The following PXDNL variants were observed in gnomAD, a reference collection of about 807,000 sequenced individuals.
PXDNL encodes the protein probable oxidoreductase PXDNL.
A neutral mutation model predicts 150.8 loss-of-function variants in PXDNL; 145 were observed. That is an observed-to-expected ratio of 0.96 (90% CI 0.84 to 1.10). The LOEUF (loss-of-function observed/expected upper bound fraction) is 1.10, where lower values mean the gene tolerates loss of function less well. Among genes scored for constraint, PXDNL ranks in the 50% least tolerant of loss-of-function variants. PXDNL has a pLI of 0.00. For missense variants in PXDNL, 2,087 were observed against 1,873.9 expected (o/e 1.11, Z -2.10); for synonymous variants, 757 against 725.7 (o/e 1.04, Z -0.69).
chr8:51,705,807 C>CTGTGTG (rs71550283), intron 1 of PXDNL, among the ~76,000 whole-genome samples: 2,536 of 143,312 alleles, frequency 0.018, 70 homozygotes, highest in African/African-American at 0.059. Flanking sequence ...GGTGAAAACA[C>CTGTGTG]TGTGTGTGTG....
At chr8:51,628,279 G>A (rs1378764911) in intron 2 of PXDNL, among the ~76,000 whole-genome samples, 1 of 151,852 alleles carries the variant, frequency 6.6e-6, no homozygotes, top group Non-Finnish European at 1.5e-5. Context: ...AGCACTGAAG[G>A]AGTCCCCAGG....
At chr8:51,413,279 A>G in intron 14 of PXDNL, 21 bp from the exon 15 acceptor site, 1 of 1,449,410 alleles carries the variant, frequency 6.9e-7, no homozygotes. Context: ...CAATTCCATG[A>G]TTAAAAATAT....
chr8:51,378,623 C>G (rs1165823395), intron 17 of PXDNL, among the ~76,000 whole-genome samples: 11 of 152,336 alleles, frequency 7.2e-5, no homozygotes, highest in Middle Eastern at 3.4e-3. Context: ...CTTGCTGCTG[C>G]TCACTCTTTG....
In PXDNL at chr8:51,472,199, C is replaced by G; in HGVS notation, c.800G>C (p.Trp267Ser). 6.2e-7 allele frequency: 1 copy of G among 1,610,378 alleles called. No homozygotes were observed. The highest frequency in any genetic ancestry group is 8.5e-7 in the Non-Finnish European group (1 of 1,176,782). ...GCTCAGTATTTACTTGTTGTGTATC[C>G]AAATAATCTCAGGTTTGGGGTTTCC... is the stretch of plus-strand genomic sequence containing the variant. ...AEGNPKPEII[W>S]IHNNHSLDLE... Residue 267 changes from tryptophan to serine, a missense_variant, in exon 8 of 23, where the codon TGG becomes TCG. Coordinates refer to ENST00000356297, the MANE Select transcript of PXDNL (RefSeq NM_144651.5).
At chr8:51,628,397 T>C (rs1235355635) in intron 2 of PXDNL, among the ~76,000 whole-genome samples, 1 of 104,042 alleles carries the variant, frequency 9.6e-6, no homozygotes, top group African/African-American at 3.1e-5. Flanking sequence ...TTCTTTTCTT[T>C]TCTTTTTTTT....
chr8:51,414,644 A>G (rs1414834561), intron 14 of PXDNL, among the ~76,000 whole-genome samples: 2 of 152,094 alleles, frequency 1.3e-5, no homozygotes, highest in Non-Finnish European at 2.9e-5. Context: ...AGAAAAAAAG[A>G]CAAAAATTGA....
intron 1 of PXDNL, among the ~76,000 whole-genome samples, chr8:51,772,062 C>T (rs1319313701): frequency 6.6e-6 from 1 of 152,068 alleles, no homozygotes; most frequent in African/African-American, 2.4e-5. Context: ...CATGCCCACA[C>T]CACCCCTTGG....
At chr8:51,648,366 A>G (rs918338277) in intron 2 of PXDNL, among the ~76,000 whole-genome samples, 3 of 152,228 alleles carry the variant, frequency 2.0e-5, no homozygotes, top group African/African-American at 7.2e-5. Flanking sequence ...CCTGTAAAAG[A>G]GAGACTCTAC....
At chr8:51,787,512 A>C (rs2037471344) in intron 1 of PXDNL, among the ~76,000 whole-genome samples, 1 of 152,246 alleles carries the variant, frequency 6.6e-6, no homozygotes. Context: ...TGGAGGAAGT[A>C]ACTTCAGATG....
intron 19 of PXDNL, among the ~76,000 whole-genome samples, chr8:51,366,430 A>C (rs1348118958): frequency 6.6e-6 from 1 of 152,160 alleles, no homozygotes; most frequent in Admixed American, 6.5e-5. Context: ...GCTGTGCTGG[A>C]GTCTCTCTGA....
intron 1 of PXDNL, among the ~76,000 whole-genome samples, chr8:51,793,356 GATA>G (rs1219721960): frequency 6.6e-6 from 1 of 152,140 alleles, no homozygotes; most frequent in Admixed American, 6.6e-5. Flanking sequence ...ATCAAAACCA[GATA>G]ATATCACTCA....
intron 19 of PXDNL, among the ~76,000 whole-genome samples, chr8:51,350,756 C>T (rs939417171): frequency 1.3e-5 from 2 of 152,112 alleles, no homozygotes; most frequent in African/African-American, 4.8e-5. Context: ...GGCTCTTAGC[C>T]ACATGTATTT....
intron 3 of PXDNL, among the ~76,000 whole-genome samples, chr8:51,569,509 A>AAAC (rs564330161): frequency 1.1e-3 from 165 of 152,096 alleles, no homozygotes; most frequent in African/African-American, 3.8e-3. Flanking sequence ...GAAGGCAAAT[A>AAAC]AACATTTCCT....
intron 19 of PXDNL, among the ~76,000 whole-genome samples, chr8:51,357,702 C>A (rs1806557521): frequency 1.3e-5 from 2 of 152,084 alleles, no homozygotes; most frequent in African/African-American, 4.8e-5. Context: ...AAATAGGATG[C>A]CTAGGGAAGA....
chr8:51,506,080 AG>A (rs1223243103), intron 4 of PXDNL, among the ~76,000 whole-genome samples: 1 of 152,240 alleles, frequency 6.6e-6, no homozygotes, highest in Non-Finnish European at 1.5e-5. Context: ...TCCAGAGAAA[AG>A]CTTTCCAGCA....
chr8:51,564,284 T>A (rs1459985144), intron 3 of PXDNL, among the ~76,000 whole-genome samples: 2 of 151,318 alleles, frequency 1.3e-5, no homozygotes, highest in East Asian at 2.0e-4. Context: ...GCTGGAAGAG[T>A]CTTCCACTGG....
chr8:51,367,786 T>C (rs28561069), intron 19 of PXDNL, among the ~76,000 whole-genome samples: 1,990 of 152,300 alleles, frequency 0.013, 36 homozygotes, highest in African/African-American at 0.044. Context: ...AAACACCATG[T>C]TGTTTTAGAA....
intron 6 of PXDNL, among the ~76,000 whole-genome samples, chr8:51,479,394 C>T (rs947979312): frequency 4.6e-5 from 7 of 152,142 alleles, no homozygotes; most frequent in African/African-American, 7.2e-5. Flanking sequence ...AAATAATACA[C>T]AATATTTCTC....
chr8:51,410,260 T>C (rs1286447135), intron 16 of PXDNL, among the ~76,000 whole-genome samples: 1 of 152,232 alleles, frequency 6.6e-6, no homozygotes, highest in Admixed American at 6.5e-5. Flanking sequence ...TTAACAGGGC[T>C]TAAACTTCCA....
Sources: gnomAD v4.1 joint callset for allele counts (sites outside exome capture counted in the v4.1 genomes callset) on GRCh38, gnomAD v4.1.1 for gene constraint, MANE v1.5 for transcripts, NCBI Gene and HGNC (gene_info 2026-07-23, HGNC 2026-07-21) for gene names.